Variants in NRXN3 observed in about 807,000 individuals in gnomAD.
NRXN3 encodes the protein neurexin III.
Under a neutral mutation model 137.6 loss-of-function variants are expected in NRXN3, and 32 were observed. That is an observed-to-expected ratio of 0.23 (90% CI 0.18 to 0.31). NRXN3 has a LOEUF of 0.31. Among genes scored for constraint, NRXN3 ranks in the 10% least tolerant of loss-of-function variants. The pLI, the probability that NRXN3 is intolerant of heterozygous loss-of-function variation, is 1.00. For synonymous variants in NRXN3, 798 were observed against 784.5 expected, an observed-to-expected ratio of 1.02 and a Z score of -0.29; for missense variants, 1,574 against 2,062.5, an observed-to-expected ratio of 0.76 and a Z score of 4.59.
chr14:79,707,796 G>A lies in NRXN3; in HGVS notation c.4014+9859G>A, dbSNP rs1310980001. Among the ~76,000 whole-genome samples the A allele has an allele frequency of 4.0e-5, 6 of 151,800 alleles. No individual in the cohort carries two copies. In the South Asian group the frequency reaches 1.0e-3, roughly 26 times the overall value. On this transcript the variant is annotated intron_variant, in intron 19 of 20. Transcript: ENST00000335750. ...TAGTGTCTTGGGCACACACACACAG[G>A]GACAGTTAAATGTAGGAAACAATGA...
intron 10 of NRXN3, among the ~76,000 whole-genome samples, chr14:78,901,196 A>T (rs1486847017): frequency 1.3e-5 from 2 of 151,874 alleles, no homozygotes; most frequent in African/African-American, 2.4e-5. Flanking sequence ...GGGGATTTGT[A>T]TCTAATTTTC....
At chr14:78,474,797 G>A (rs1599148399) in intron 4 of NRXN3, among the ~76,000 whole-genome samples, 1 of 152,196 alleles carries the variant, frequency 6.6e-6, no homozygotes, top group East Asian at 1.9e-4. Flanking sequence ...TCATTATACT[G>A]CATCAATATA....
At chr14:78,720,725 G>C (rs1242495804) in intron 8 of NRXN3, among the ~76,000 whole-genome samples, 2 of 152,108 alleles carry the variant, frequency 1.3e-5, no homozygotes, top group African/African-American at 2.4e-5. Context: ...ATATGATTAT[G>C]AAAAATCCAA....
At chr14:79,298,960 A>G (rs959443822) in intron 15 of NRXN3, 2 of 152,440 alleles carry the variant, frequency 1.3e-5, no homozygotes, top group African/African-American at 4.8e-5. Context: ...AGGGGGCTGG[A>G]ATCAAGAAGG....
chr14:78,349,904 T>A (rs2083247712), intron 4 of NRXN3, among the ~76,000 whole-genome samples: 1 of 152,232 alleles, frequency 6.6e-6, no homozygotes, highest in African/African-American at 2.4e-5. Flanking sequence ...ATGGGGAAAG[T>A]GCCTTAGGAC....
intron 10 of NRXN3, among the ~76,000 whole-genome samples, chr14:78,840,280 AAG>A (rs2099008623): frequency 6.6e-6 from 1 of 152,174 alleles, no homozygotes; most frequent in Non-Finnish European, 1.5e-5. Flanking sequence ...CTGTTACCTG[AAG>A]AGAATTCAAA....
At chr14:78,275,577 C>G (rs905255929) in intron 2 of NRXN3, among the ~76,000 whole-genome samples, 2 of 152,134 alleles carry the variant, frequency 1.3e-5, no homozygotes, top group African/African-American at 4.8e-5. Flanking sequence ...AATATGGCAG[C>G]TCTAGAGAAA....
At chr14:78,925,215 T>C (rs1312113756) in intron 10 of NRXN3, among the ~76,000 whole-genome samples, 1 of 152,216 alleles carries the variant, frequency 6.6e-6, no homozygotes, top group Non-Finnish European at 1.5e-5. Flanking sequence ...AGAAATCAAT[T>C]GTTAAGCAAC....
intron 4 of NRXN3, among the ~76,000 whole-genome samples, chr14:78,341,666 A>G (rs951035930): frequency 6.6e-6 from 1 of 152,184 alleles, no homozygotes; most frequent in Non-Finnish European, 1.5e-5. Context: ...AAGGAAGGGA[A>G]GGCTTGTACT....
chr14:79,575,868 G>A (rs1358625664), intron 16 of NRXN3, among the ~76,000 whole-genome samples: 3 of 152,116 alleles, frequency 2.0e-5, no homozygotes, highest in Non-Finnish European at 4.4e-5. Flanking sequence ...GGGAAGATAT[G>A]ATTCAGACAC....
intron 14 of NRXN3, among the ~76,000 whole-genome samples, chr14:78,975,344 T>C (rs566565963): frequency 8.7e-4 from 133 of 152,236 alleles, no homozygotes; most frequent in African/African-American, 3.2e-3. Context: ...ATGTTTTAGA[T>C]GGATGAACGA....
chr14:79,363,777 G>A (rs1184958816), intron 15 of NRXN3, among the ~76,000 whole-genome samples: 1 of 152,128 alleles, frequency 6.6e-6, no homozygotes, highest in African/African-American at 2.4e-5. Context: ...CTTTTCAATT[G>A]CTTTAGGGAG....
intron 4 of NRXN3, among the ~76,000 whole-genome samples, chr14:78,366,288 C>A (rs1314778909): frequency 6.6e-6 from 1 of 152,154 alleles, no homozygotes; most frequent in African/African-American, 2.4e-5. Flanking sequence ...AATGGTGTGT[C>A]CAACTGAGGT....
At chr14:79,521,360 A>G (rs561014335) in intron 16 of NRXN3, among the ~76,000 whole-genome samples, 4 of 152,200 alleles carry the variant, frequency 2.6e-5, no homozygotes, top group South Asian at 4.2e-4. Flanking sequence ...TTAGTGCTCA[A>G]TATATTTAAA....
chr14:78,566,479 G>T (rs2096837325), intron 4 of NRXN3, among the ~76,000 whole-genome samples: 2 of 152,072 alleles, frequency 1.3e-5, no homozygotes, highest in South Asian at 4.1e-4. Flanking sequence ...GTGTGCTGGG[G>T]CTGGGTGGGC....
intron 8 of NRXN3, among the ~76,000 whole-genome samples, chr14:78,717,163 G>A (rs1211485384): frequency 6.6e-6 from 1 of 152,130 alleles, no homozygotes; most frequent in African/African-American, 2.4e-5. Context: ...TCAAGCAAGG[G>A]CCTTGTGATT....
intron 4 of NRXN3, among the ~76,000 whole-genome samples, chr14:78,519,684 C>T (rs978023670): frequency 2.5e-4 from 38 of 152,046 alleles, no homozygotes; most frequent in African/African-American, 8.9e-4. Flanking sequence ...AAGGAGTTAG[C>T]AACTAACTGT....
chr14:78,665,678 A>G (rs1278458708), intron 6 of NRXN3, among the ~76,000 whole-genome samples: 1 of 152,162 alleles, frequency 6.6e-6, no homozygotes, highest in African/African-American at 2.4e-5. Flanking sequence ...TACACACACA[A>G]AACCTTGGGG....
chr14:79,027,343 T>C (rs1161149352), intron 15 of NRXN3, among the ~76,000 whole-genome samples: 1 of 152,058 alleles, frequency 6.6e-6, no homozygotes, highest in Non-Finnish European at 1.5e-5. Context: ...AGTGAGTTAT[T>C]CCATCTGGTT....
Sources: allele counts gnomAD v4.1 joint callset (sites outside exome capture counted in the v4.1 genomes callset), GRCh38; gene constraint gnomAD v4.1.1; transcripts MANE v1.5; gene names NCBI Gene and HGNC (gene_info 2026-07-23, HGNC 2026-07-21).